The following DCHS2 variants were observed in gnomAD, a reference collection of about 807,000 sequenced individuals.
DCHS2 encodes the protein protocadherin-23.
Under a neutral mutation model 182.4 loss-of-function variants are expected in DCHS2, and 142 were observed. The ratio of observed to expected loss-of-function variants is 0.78; its 90% confidence interval spans 0.68 to 0.89. DCHS2 has a LOEUF of 0.89. DCHS2 is among the 40% of genes least tolerant of loss of function. The probability of loss-of-function intolerance (pLI) is 0.00; values close to 1 mark genes in which losing one functional copy is unlikely to be tolerated. For synonymous variants in DCHS2, 1,740 were observed against 1,663.3 expected (o/e 1.05, Z -1.12); for missense variants, 4,319 against 4,198.6 (o/e 1.03, Z -0.79).
At chr4:154,486,124 A>T (rs1201247418) in intron 1 of DCHS2, among the ~76,000 whole-genome samples, 10 of 152,230 alleles carry the variant, frequency 6.6e-5, no homozygotes. Flanking sequence ...AGAAGTCCAG[A>T]CGAGTGCCTA....
chr4:154,267,907 G>C (rs937539850), intron 14 of DCHS2, among the ~76,000 whole-genome samples: 1 of 152,106 alleles, frequency 6.6e-6, no homozygotes, highest in African/African-American at 2.4e-5. Context: ...AGGGTCACTC[G>C]TTTCAGGGGA....
At chr4:154,329,877 C>G (rs1736453589) in intron 5 of DCHS2, among the ~76,000 whole-genome samples, 167 bp from the exon 6 acceptor site, 1 of 152,194 alleles carries the variant, frequency 6.6e-6, no homozygotes, top group African/African-American at 2.4e-5. Context: ...AAAATTTTCT[C>G]AAGTTGCTCC....
At chr4:154,390,659 A>G (rs1731657530) in intron 1 of DCHS2, among the ~76,000 whole-genome samples, 1 of 152,116 alleles carries the variant, frequency 6.6e-6, no homozygotes, top group South Asian at 2.1e-4. Flanking sequence ...TTAACTGTTT[A>G]TTATTAGCAT....
At position 154,235,357 on chromosome 4, in the gene DCHS2, C is replaced by T. The variant is rs760910436; in HGVS notation, c.9295G>A (p.Gly3099Arg). 39 of 1,614,064 alleles carry T rather than the reference C, an allele frequency of 2.4e-5. No homozygotes were observed. In the East Asian group the frequency reaches 8.7e-4, roughly 36 times the overall value. The change falls in exon 20 of 20, where the codon GGA becomes AGA. Residue 3099 changes from glycine (G) to arginine (R), a missense_variant. Gly to Arg is a moderately radical substitution (Grantham distance 125, BLOSUM62 -2). Coordinates refer to ENST00000357232, the MANE Select transcript of DCHS2 (RefSeq NM_001358235.2). The stretch of plus-strand genomic sequence containing the variant: ...ATTTCCTTATCTTCTGCAGTTTCTC[C>T]TTCCACAGAACAGTGGCCACTGGAG... ...SNSSGHCSVE[G>R]ETAEDKEIQR...
intron 13 of DCHS2, among the ~76,000 whole-genome samples, chr4:154,297,148 G>A (rs1734961381): frequency 1.3e-5 from 2 of 152,182 alleles, no homozygotes; most frequent in East Asian, 1.9e-4. Flanking sequence ...TTTTTCACAG[G>A]GGCCCAAGAA....
At chr4:154,400,290 G>A (rs1043678594) in intron 1 of DCHS2, among the ~76,000 whole-genome samples, 3 of 80,160 alleles carry the variant, frequency 3.7e-5, no homozygotes, top group South Asian at 4.3e-4. Context: ...GCAACAGAGC[G>A]AGACTTCGTC....
At chr4:154,368,376 G>A (rs1253819942) in intron 2 of DCHS2, among the ~76,000 whole-genome samples, 2 of 152,128 alleles carry the variant, frequency 1.3e-5, no homozygotes, top group Non-Finnish European at 2.9e-5. Flanking sequence ...GTTGAGGTAA[G>A]AGAAGTAATG....
intron 19 of DCHS2, chr4:154,237,585 A>T (rs1248830053): frequency 1.3e-5 from 2 of 157,360 alleles, no homozygotes; most frequent in Non-Finnish European, 1.4e-5. Context: ...GCCAAATGAA[A>T]GCAGTAAAAA....
intron 13 of DCHS2, among the ~76,000 whole-genome samples, chr4:154,289,059 A>G (rs1561014250): frequency 2.6e-5 from 4 of 152,212 alleles, no homozygotes; most frequent in African/African-American, 9.6e-5. Flanking sequence ...TGGTAGCAGA[A>G]AAGAAATAAC....
At chr4:154,452,121 C>T (rs1463896149) in intron 1 of DCHS2, among the ~76,000 whole-genome samples, 1 of 152,148 alleles carries the variant, frequency 6.6e-6, no homozygotes, top group East Asian at 1.9e-4. Context: ...ATCCATAATG[C>T]CAATTATCAT....
rs199868518 is a variant in DCHS2 at position 154,235,429 on chromosome 4, T to C, written c.9223A>G (p.Ile3075Val). ...VDATPEWLSL[I>V]SIMEKDIVNL... The stretch of plus-strand genomic sequence containing the variant: ...ACAATATCCTTCTCCATGATACTTA[T>C]TAAACTCAACCATTCCGGAGTGGCA... The change falls in exon 20 of 20, where the codon ATA (isoleucine) becomes GTA (valine). Residue 3075 changes from isoleucine (I) to valine (V), a missense_variant. Transcript: ENST00000357232. 6.8e-6 allele frequency: 11 copies of C among 1,613,964 alleles called. No homozygotes were observed. Among genetic ancestry groups the C allele is most frequent in the South Asian group, 6.6e-5 (6 of 91,072 alleles).
At chr4:154,368,768 G>T (rs1269143250) in intron 2 of DCHS2, among the ~76,000 whole-genome samples, 1 of 152,110 alleles carries the variant, frequency 6.6e-6, no homozygotes, top group African/African-American at 2.4e-5. Flanking sequence ...CAAAGTTCTG[G>T]GATTACAGGC....
At chr4:154,334,205 C>T (rs1445079681) in intron 4 of DCHS2, 1 of 152,490 alleles carries the variant, frequency 6.6e-6, no homozygotes, top group Non-Finnish European at 1.5e-5. Context: ...AAATACTCTC[C>T]ATAGAGATTG....
intron 12 of DCHS2, among the ~76,000 whole-genome samples, chr4:154,301,969 A>G (rs889288890): frequency 3.9e-5 from 6 of 152,210 alleles, no homozygotes; most frequent in Non-Finnish European, 8.8e-5. Context: ...TAATCTTACA[A>G]TCATAATAAT....
rs1729915410 is a variant in DCHS2 at position 154,357,268 on chromosome 4, C to A, written c.2476+8942G>T. 4 of 1,613,628 alleles carry A rather than the reference C, an allele frequency of 2.5e-6. No homozygotes were observed. In the East Asian group the frequency reaches 8.9e-5, roughly 36 times the overall value. ...AACATCTCTAAACTGTTCATTACTT[C>A]CTTGTCTGCTGAAAAGTTGACAGCA... On this transcript the variant is annotated intron_variant, in intron 3 of 19. Coordinates refer to ENST00000357232, the MANE Select transcript of DCHS2 (RefSeq NM_001358235.2).
intron 2 of DCHS2, chr4:154,373,836 G>C: frequency 9.1e-7 from 1 of 1,102,612 alleles, no homozygotes; most frequent in Non-Finnish European, 1.4e-6. Context: ...ACTCAGGGGA[G>C]AAGGAAAACT....
intron 12 of DCHS2, among the ~76,000 whole-genome samples, chr4:154,302,786 CTTTCATATATATATACTTATATATA>C (rs1280515860): frequency 1.6e-3 from 226 of 137,606 alleles, no homozygotes; most frequent in African/African-American, 5.6e-3. Context: ...GGGAGGATGC[CTTTCATATATATATACTTATATATA>C]TTTCATATAT....
intron 3 of DCHS2, among the ~76,000 whole-genome samples, chr4:154,363,309 A>G (rs948304801): frequency 6.6e-6 from 1 of 152,224 alleles, no homozygotes; most frequent in Admixed American, 6.5e-5. Context: ...TATAGAATCA[A>G]CCAAAGGGTC....
rs143158272 is a variant in DCHS2 at position 154,354,088 on chromosome 4, G to A, written c.2476+12122C>T. On this transcript the variant is annotated intron_variant, in intron 3 of 19. Transcript: ENST00000357232. ...ACTACAGGCATGTGCCACCACGCCC[G>A]GTTAACATTGTATTTTTAGTGGAGA... Among the ~76,000 whole-genome samples, 40 of 152,092 alleles carry A rather than the reference G, an allele frequency of 2.6e-4. No individual in the cohort carries two copies. The East Asian group carries it at 3.7e-3, about 14-fold the overall frequency.
Sources: gnomAD v4.1 joint callset for allele counts (sites outside exome capture counted in the v4.1 genomes callset) on GRCh38, gnomAD v4.1.1 for gene constraint, MANE v1.5 for transcripts, NCBI Gene and HGNC (gene_info 2026-07-23, HGNC 2026-07-21) for gene names.